Variants in TRPM3 observed in about 807,000 individuals in gnomAD.
TRPM3 encodes the protein long transient receptor potential channel 3.
Under a neutral mutation model 181.2 loss-of-function variants are expected in TRPM3, and 77 were observed. The observed-to-expected ratio is 0.42, with a 90% CI of 0.35 to 0.51. The LOEUF (loss-of-function observed/expected upper bound fraction) is 0.51. Among genes scored for constraint, TRPM3 ranks in the 20% least tolerant of loss-of-function variants. The pLI, the probability that TRPM3 is intolerant of heterozygous loss-of-function variation, is 0.01. For synonymous variants in TRPM3, 745 were observed against 796.4 expected (o/e 0.94, Z 1.09); for missense variants, 1,759 against 2,196.7 (o/e 0.80, Z 3.98).
intron 1 of TRPM3, among the ~76,000 whole-genome samples, chr9:70,917,807 A>G (rs1167850274): frequency 6.6e-6 from 1 of 152,020 alleles, no homozygotes; most frequent in East Asian, 1.9e-4. Context: ...AATAACAACA[A>G]TGAATGTAAA....
chr9:70,635,060 TACAC>T lies in TRPM3; in HGVS notation c.1632+147_1632+150del, dbSNP rs5898155. The T allele has an allele frequency of 9.6e-3, 5,214 of 541,962 alleles. 91 individuals are homozygous for T. Among genetic ancestry groups the T allele is most frequent in the African/African-American group, 0.066 (3,346 of 51,082 alleles). 33.6% of individuals were successfully genotyped at this position (541,962 alleles called of 1,614,324 possible). ...AGAAGCATCAGAGTTAAAAGACACA[TACAC>T]ACACACACACACACACACTGTTCTG... On this transcript the variant is annotated intron_variant, in intron 12 of 25. Transcript: ENST00000677713.
intron 1 of TRPM3, among the ~76,000 whole-genome samples, chr9:71,230,500 T>C (rs186138539): frequency 6.6e-6 from 1 of 152,160 alleles, no homozygotes; most frequent in Non-Finnish European, 1.5e-5. Context: ...GAATAAATGC[T>C]TGAGGTGGTG....
At chr9:70,938,591 C>A (rs1408068466) in intron 1 of TRPM3, among the ~76,000 whole-genome samples, 4 of 152,124 alleles carry the variant, frequency 2.6e-5, no homozygotes, top group Admixed American at 1.3e-4. Flanking sequence ...TGAAACATTA[C>A]CAATTATTAG....
rs1157925190 is a variant in TRPM3 at position 70,625,229 on chromosome 9, A to G, written c.1771T>C (p.Phe591Leu). 6.2e-7 allele frequency: 1 copy of G among 1,614,110 alleles called. No homozygotes were observed. ...AYRCNYTRKR[F>L]RTLYHNLFGP... ...AAGAGGTTGTGGTAGAGGGTCCGGA[A>G]GCGCTTGCGCGTGTAGTTGCAGCGA... Residue 591 changes from phenylalanine (F) to leucine (L), a missense_variant, in exon 14 of 26, where the codon TTC becomes CTC. This residue lies in a region of TRPM3 where 737 missense variants were observed against 957.4 expected (regional missense o/e 0.77). Transcript: ENST00000677713. The surrounding 1 kb of genome is among the most constrained non-coding windows in gnomAD (Gnocchi z 4.8).
At chr9:70,615,737 T>G (rs1181538466) in intron 18 of TRPM3, among the ~76,000 whole-genome samples, 171 bp downstream of exon 18, 1 of 152,226 alleles carries the variant, frequency 6.6e-6, no homozygotes, top group African/African-American at 2.4e-5. Context: ...CTATTTACAC[T>G]TTTCCAATAC....
rs1252949242 is a variant in TRPM3, at chr9:71,075,241, AC to A, written c.177+45936del. ...TCAATTCTTGACTCAGCTAACTCAA[AC>A]AGATTATCATTTGTTTATGGCTTTG... On this transcript the variant is annotated intron_variant, in intron 1 of 25. Coordinates refer to ENST00000677713, the MANE Select transcript of TRPM3 (RefSeq NM_001366145.2). Among the ~76,000 whole-genome samples the A allele has an allele frequency of 4.9e-4, 75 of 152,314 alleles. 1 individual carries two copies. Among genetic ancestry groups the A allele is most frequent in the African/African-American group, 1.4e-3 (58 of 41,560 alleles).
intron 1 of TRPM3, among the ~76,000 whole-genome samples, chr9:71,435,045 TATTA>T (rs1388334020): frequency 3.3e-5 from 5 of 152,114 alleles, no homozygotes; most frequent in African/African-American, 1.2e-4. Flanking sequence ...ATGGAGAAAA[TATTA>T]AATAAGAATA....
chr9:71,021,393 AGT>A (rs2097846318), intron 1 of TRPM3, among the ~76,000 whole-genome samples: 1 of 152,220 alleles, frequency 6.6e-6, no homozygotes, highest in Non-Finnish European at 1.5e-5. Context: ...CTCAATAAAA[AGT>A]GTGTTAACTC....
chr9:71,323,857 C>T (rs1004294412), intron 1 of TRPM3, among the ~76,000 whole-genome samples: 3 of 152,164 alleles, frequency 2.0e-5, no homozygotes, highest in African/African-American at 7.2e-5. Context: ...CTGATCCACA[C>T]AGGGTCTGGC....
At chr9:70,642,046 C>A (rs544118418) in intron 9 of TRPM3, among the ~76,000 whole-genome samples, 1 of 152,184 alleles carries the variant, frequency 6.6e-6, no homozygotes, top group Non-Finnish European at 1.5e-5. Context: ...GGAAGAGACA[C>A]CCCTAAATAA....
chr9:70,597,538 G>A (rs376867300), intron 21 of TRPM3, among the ~76,000 whole-genome samples: 1 of 152,160 alleles, frequency 6.6e-6, no homozygotes, highest in Non-Finnish European at 1.5e-5. Context: ...CCTCTAGTGA[G>A]TTTTGAGAGG....
At chr9:71,125,385 C>A (rs947557850), upstream of TRPM3, among the ~76,000 whole-genome samples, 2 of 152,060 alleles carry the variant, frequency 1.3e-5, no homozygotes, top group Non-Finnish European at 2.9e-5. Context: ...TGTGTTGTTA[C>A]CCTCCCTGTG....
chr9:70,862,339 A>G (rs1428278083), intron 3 of TRPM3, among the ~76,000 whole-genome samples: 1 of 152,154 alleles, frequency 6.6e-6, no homozygotes, highest in African/African-American at 2.4e-5. Flanking sequence ...CCCCAACTCA[A>G]AAAATGCTTT....
chr9:71,347,249 C>T (rs10746872), intron 1 of TRPM3, among the ~76,000 whole-genome samples: 80,925 of 151,948 alleles, frequency 0.53, 21,698 homozygotes, highest in East Asian at 0.61. Flanking sequence ...AATGTTGATA[C>T]ATGATAGACA....
chr9:71,110,590 C>A (rs576377478), intron 1 of TRPM3, among the ~76,000 whole-genome samples: 2 of 152,254 alleles, frequency 1.3e-5, no homozygotes, highest in African/African-American at 4.8e-5. Flanking sequence ...AAGCCTAAAC[C>A]AGTTACATTC....
At chr9:70,771,396 G>A (rs1030100386) in intron 7 of TRPM3, among the ~76,000 whole-genome samples, 40 of 152,072 alleles carry the variant, frequency 2.6e-4, no homozygotes, top group African/African-American at 9.4e-4. Flanking sequence ...GGCTTCTCTT[G>A]TTTGTTATTT....
chr9:71,281,234 A>G (rs1374730917), intron 1 of TRPM3, among the ~76,000 whole-genome samples: 1 of 152,210 alleles, frequency 6.6e-6, no homozygotes, highest in African/African-American at 2.4e-5. Flanking sequence ...GAAGAAGCTG[A>G]GAAAACAACA....
At chr9:71,181,850 A>C (rs2077423109) in intron 1 of TRPM3, among the ~76,000 whole-genome samples, 1 of 152,156 alleles carries the variant, frequency 6.6e-6, no homozygotes, top group Non-Finnish European at 1.5e-5. Context: ...ACATGAAGTT[A>C]TCCTCTCAGT....
chr9:71,404,565 C>T (rs889698143), intron 1 of TRPM3, among the ~76,000 whole-genome samples: 4 of 152,166 alleles, frequency 2.6e-5, no homozygotes, highest in African/African-American at 4.8e-5. Flanking sequence ...GGCCATCTCT[C>T]GGCTGGACTA....
Sources: allele counts gnomAD v4.1 joint callset (sites outside exome capture counted in the v4.1 genomes callset), GRCh38; gene constraint gnomAD v4.1.1; regional missense constraint gnomAD v4.1.1; non-coding constraint Gnocchi (gnomAD v3.1); transcripts MANE v1.5; gene names NCBI Gene and HGNC (gene_info 2026-07-23, HGNC 2026-07-21).